NXPE2: variants seen among roughly 807,000 people sequenced by gnomAD.
The protein encoded by NXPE2 is NXPE family member 2.
Under a neutral mutation model 34.4 loss-of-function variants are expected in NXPE2, and 34 were observed. The ratio of observed to expected loss-of-function variants is 0.99; its 90% CI spans 0.75 to 1.31. The LOEUF (loss-of-function observed/expected upper bound fraction) is 1.31. Among genes scored for constraint, NXPE2 ranks in the 40% most tolerant of loss-of-function variants. NXPE2 has a pLI of 0.00. For synonymous variants in NXPE2, 235 were observed against 231.3 expected, an observed-to-expected ratio of 1.02 and a Z score of -0.15; for missense variants, 649 against 672.5, an observed-to-expected ratio of 0.97 and a Z score of 0.39.
chr11:114,657,051 G>A, the NXPE2 span, among the ~76,000 whole-genome samples: 6 of 152,242 alleles, frequency 3.9e-5, no homozygotes, highest in African/African-American at 7.2e-5. Context: ...CTGAGATTGC[G>A]CCACTGCACT....
the NXPE2 span, among the ~76,000 whole-genome samples, chr11:114,808,367 G>C: frequency 2.0e-5 from 3 of 150,854 alleles, no homozygotes; most frequent in Non-Finnish European, 3.0e-5. Flanking sequence ...AGGAAATAGA[G>C]ACACAAAAAA....
At chr11:114,572,218 G>A in the NXPE2 span, among the ~76,000 whole-genome samples, 1 of 152,118 alleles carries the variant, frequency 6.6e-6, no homozygotes, top group Non-Finnish European at 1.5e-5. Flanking sequence ...AATCTGAATA[G>A]CAGCCCTTGA....
chr11:114,641,089 T>G, the NXPE2 span, among the ~76,000 whole-genome samples: 1 of 151,976 alleles, frequency 6.6e-6, no homozygotes, highest in African/African-American at 2.4e-5. Flanking sequence ...GTCTGAAAAG[T>G]ATAATAACTG....
the NXPE2 span, among the ~76,000 whole-genome samples, chr11:114,614,845 G>T: frequency 6.6e-6 from 1 of 151,804 alleles, no homozygotes; most frequent in African/African-American, 2.4e-5. Context: ...GATAACAAGT[G>T]TTGCCTTATG....
At chr11:114,651,149 T>C in the NXPE2 span, among the ~76,000 whole-genome samples, 1 of 152,202 alleles carries the variant, frequency 6.6e-6, no homozygotes, top group Non-Finnish European at 1.5e-5. Flanking sequence ...CAGTGGGTTC[T>C]TGGTCTCGCT....
the NXPE2 span, among the ~76,000 whole-genome samples, chr11:114,609,488 C>T: frequency 4.0e-5 from 6 of 151,798 alleles, no homozygotes; most frequent in Non-Finnish European, 7.4e-5. Context: ...TCTAGGGTAA[C>T]CATTGTTACC....
At chr11:114,643,436 A>C in the NXPE2 span, among the ~76,000 whole-genome samples, 2 of 152,050 alleles carry the variant, frequency 1.3e-5, no homozygotes, top group African/African-American at 4.8e-5. Context: ...TTTTTGTATA[A>C]GGTGTAAGGA....
chr11:114,680,902 A>C (rs73563275), intron 2 of NXPE2, among the ~76,000 whole-genome samples: 7 of 152,228 alleles, frequency 4.6e-5, no homozygotes, highest in African/African-American at 1.7e-4. Flanking sequence ...CAAAACAAAA[A>C]ACACACACAC....
chr11:114,608,654 C>T, the NXPE2 span, among the ~76,000 whole-genome samples: 5 of 151,864 alleles, frequency 3.3e-5, no homozygotes, highest in African/African-American at 1.2e-4. Flanking sequence ...AGGGTAACCA[C>T]TGTTACCCGG....
the NXPE2 span, among the ~76,000 whole-genome samples, chr11:114,791,864 G>C: frequency 6.6e-6 from 1 of 152,234 alleles, no homozygotes; most frequent in East Asian, 1.9e-4. Context: ...AGACCATCTG[G>C]CTAACACGGT....
At chr11:114,757,308 C>T in the NXPE2 span, among the ~76,000 whole-genome samples, 1 of 151,846 alleles carries the variant, frequency 6.6e-6, no homozygotes, top group South Asian at 2.1e-4. Flanking sequence ...ATTTGTCCAT[C>T]CTTTCATACT....
At chr11:114,682,226 G>T (rs1309767369) in intron 2 of NXPE2, among the ~76,000 whole-genome samples, 1 of 152,168 alleles carries the variant, frequency 6.6e-6, no homozygotes, top group Non-Finnish European at 1.5e-5. Context: ...TGAAGGAGTA[G>T]GTTAATGCTT....
At chr11:114,681,967 A>G (rs1168925380) in intron 2 of NXPE2, among the ~76,000 whole-genome samples, 2 of 152,196 alleles carry the variant, frequency 1.3e-5, no homozygotes, top group Non-Finnish European at 1.5e-5. Flanking sequence ...AAAACACTTG[A>G]TATTACAAAA....
chr11:114,688,964 T>C (rs1159464878), intron 2 of NXPE2, among the ~76,000 whole-genome samples: 1 of 152,068 alleles, frequency 6.6e-6, no homozygotes, highest in Non-Finnish European at 1.5e-5. Flanking sequence ...CTGATTGTGC[T>C]TATTTGGATA....
the NXPE2 span, among the ~76,000 whole-genome samples, chr11:114,811,695 G>A: frequency 5.9e-5 from 9 of 152,200 alleles, no homozygotes; most frequent in African/African-American, 2.2e-4. Flanking sequence ...GGACACAAGA[G>A]TATCAGCAAG....
At chr11:114,635,409 A>C in the NXPE2 span, among the ~76,000 whole-genome samples, 2 of 151,342 alleles carry the variant, frequency 1.3e-5, no homozygotes, top group Non-Finnish European at 2.9e-5. Flanking sequence ...GTCGTCTGCA[A>C]ACAGGGACAA....
the NXPE2 span, among the ~76,000 whole-genome samples, chr11:114,654,388 A>C: frequency 6.6e-6 from 1 of 151,990 alleles, no homozygotes; most frequent in Admixed American, 6.6e-5. Flanking sequence ...ACACATGCAG[A>C]ATGTGCAGGT....
At chr11:114,801,695 G>A in the NXPE2 span, among the ~76,000 whole-genome samples, 4 of 151,876 alleles carry the variant, frequency 2.6e-5, no homozygotes, top group Non-Finnish European at 4.4e-5. Context: ...TAGGCAGATG[G>A]GAGATTTATT....
the NXPE2 span, among the ~76,000 whole-genome samples, chr11:114,591,882 A>AT: frequency 6.6e-6 from 1 of 152,132 alleles, no homozygotes; most frequent in Non-Finnish European, 1.5e-5. Context: ...TATGTCCCTA[A>AT]TTTTTTGAAA....
Sources: gnomAD v4.1 joint callset for allele counts (sites outside exome capture counted in the v4.1 genomes callset) on GRCh38, gnomAD v4.1.1 for gene constraint, MANE v1.5 for transcripts, NCBI Gene and HGNC (gene_info 2026-07-23, HGNC 2026-07-21) for gene names.